Variants in PCNX1 observed in about 807,000 individuals in gnomAD.
The protein encoded by PCNX1 is pecanex 1.
Under a neutral mutation model 242.2 loss-of-function variants are expected in PCNX1, and 78 were observed. The ratio of observed to expected loss-of-function variants is 0.32; its 90% CI spans 0.27 to 0.39. The LOEUF is 0.39. Ranked by LOEUF, PCNX1 falls within the 10% of genes least tolerant of loss-of-function variation. The pLI is 1.00. For missense variants in PCNX1, 2,581 were observed against 2,856.5 expected (o/e 0.90, Z 2.20); for synonymous variants, 1,024 against 1,032.9 (o/e 0.99, Z 0.17).
At chr14:71,109,195 A>G in intron 34 of PCNX1, 149 bp downstream of exon 34, 2 of 863,732 alleles carry the variant, frequency 2.3e-6, no homozygotes, top group South Asian at 1.8e-5. Flanking sequence ...AATTTCTTCA[A>G]ACTTAAAAAC....
rs372776113 is a variant in PCNX1 at position 70,915,808 on chromosome 14, G to GA, written c.153+7807dup. Among the ~76,000 whole-genome samples the GA allele has an allele frequency of 3.5e-3, 540 of 152,242 alleles. 1 individual carries two copies. The highest frequency in any genetic ancestry group is 0.013 in the African/African-American group (524 of 41,540). ...CTGAGTGAATCTTTATATTGAGAGAGAATATAAATATGAGAATGAGAAATG... is the reference window on the plus strand; with the variant it reads ...CTGAGTGAATCTTTATATTGAGAGAGAAATATAAATATGAGAATGAGAAATG... On this transcript the variant is annotated intron_variant, in intron 1 of 35. Transcript: ENST00000304743.
At chr14:70,998,386 C>T (rs576297164) in intron 8 of PCNX1, among the ~76,000 whole-genome samples, 44 of 152,078 alleles carry the variant, frequency 2.9e-4, no homozygotes, top group Non-Finnish European at 5.4e-4. Flanking sequence ...CTTGTATCAT[C>T]TGTATTCAGC....
At chr14:71,052,456 AC>A (rs1422327387) in intron 24 of PCNX1, among the ~76,000 whole-genome samples, 1 of 151,734 alleles carries the variant, frequency 6.6e-6, no homozygotes, top group African/African-American at 2.4e-5. Context: ...CAAGTGACCC[AC>A]CCGCCTCAGC....
chr14:70,921,163 C>T (rs1275670231), intron 1 of PCNX1, among the ~76,000 whole-genome samples: 1 of 152,050 alleles, frequency 6.6e-6, no homozygotes, highest in East Asian at 1.9e-4. Context: ...TAAAAACAAA[C>T]AATTCAGAAA....
At chr14:71,061,358 A>G (rs1325340013) in intron 26 of PCNX1, among the ~76,000 whole-genome samples, 2 of 152,200 alleles carry the variant, frequency 1.3e-5, no homozygotes, top group East Asian at 1.9e-4. Flanking sequence ...CTGCCAGCAC[A>G]ATGGAGAAGT....
intron 8 of PCNX1, among the ~76,000 whole-genome samples, chr14:70,996,406 A>G (rs2059352589): frequency 6.6e-6 from 1 of 152,170 alleles, no homozygotes; most frequent in African/African-American, 2.4e-5. Context: ...TTTAATTCAA[A>G]ATACAGTACT....
intron 5 of PCNX1, among the ~76,000 whole-genome samples, chr14:70,971,695 A>G (rs2058547416): frequency 6.6e-6 from 1 of 152,180 alleles, no homozygotes. Flanking sequence ...TTAATTTTAA[A>G]TAGAGTAGTT....
chr14:71,108,749 G>A lies in PCNX1; in HGVS notation c.6447G>A (p.Arg2149=), dbSNP rs1166443976. 14 of 1,614,118 alleles carry A rather than the reference G, an allele frequency of 8.7e-6. No individual in the cohort carries two copies. Among genetic ancestry groups the A allele is most frequent in the East Asian group, 2.2e-5 (1 of 44,896 alleles). Residue 2149 remains arginine (R), a synonymous_variant, in exon 34 of 36, where the codon CGG becomes CGA. Coordinates refer to ENST00000304743, the MANE Select transcript of PCNX1 (RefSeq NM_014982.3). The part of the protein sequence containing the change: ...RMSTTGFVPC[R]RSSTSQISLR... ...CCACCACTGGGTTTGTGCCTTGTCGGCGCTCTTCTACTAGTCAGATATCGC... is the reference window on the plus strand; with the variant it reads ...CCACCACTGGGTTTGTGCCTTGTCGACGCTCTTCTACTAGTCAGATATCGC...
rs150205047 is a variant in PCNX1 at position 71,099,502 on chromosome 14, A to G, written c.5590-2488A>G. ...ATTGAAACTTGCTTTATGGCCAGGC[A>G]TGTGGTCGATCATAGGGTATGTTCT... On this transcript the variant is annotated intron_variant, in intron 30 of 35. Coordinates refer to ENST00000304743, the MANE Select transcript of PCNX1 (RefSeq NM_014982.3). Among the ~76,000 whole-genome samples the G allele has an allele frequency of 3.3e-3, 504 of 151,694 alleles. 4 individuals carry two copies. The highest frequency in any genetic ancestry group is 0.024 in the East Asian group (125 of 5,148).
chr14:70,980,605 T>C (rs2058809806), intron 6 of PCNX1, among the ~76,000 whole-genome samples: 1 of 152,144 alleles, frequency 6.6e-6, no homozygotes, highest in African/African-American at 2.4e-5. Flanking sequence ...CATAACTAAA[T>C]ATAGGGGTTT....
intron 16 of PCNX1, among the ~76,000 whole-genome samples, chr14:71,029,727 C>T (rs1047054952): frequency 6.6e-6 from 1 of 152,110 alleles, no homozygotes; most frequent in African/African-American, 2.4e-5. Flanking sequence ...GACCCATGGA[C>T]TTGTAAAGAA....
chr14:70,989,593 G>A (rs996937420), intron 7 of PCNX1, among the ~76,000 whole-genome samples: 1 of 143,728 alleles, frequency 7.0e-6, no homozygotes, highest in African/African-American at 2.6e-5. Context: ...GCAGTCGCGT[G>A]ATCTTGGCTC....
chr14:70,908,083 TC>T, intron 1 of PCNX1, 80 bp downstream of exon 1: 1 of 1,346,690 alleles, frequency 7.4e-7, no homozygotes, highest in South Asian at 1.5e-5. Context: ...CTCTTCCTCT[TC>T]CACGGGGTCT....
chr14:71,025,146 A>G (rs118100144), intron 13 of PCNX1, among the ~76,000 whole-genome samples: 2 of 152,306 alleles, frequency 1.3e-5, no homozygotes, highest in South Asian at 2.1e-4. Context: ...TATTAATACT[A>G]TAAGGAAGAG....
intron 26 of PCNX1, among the ~76,000 whole-genome samples, chr14:71,067,675 C>G (rs188496870): frequency 1.6e-4 from 25 of 152,206 alleles, no homozygotes; most frequent in Non-Finnish European, 7.4e-5. Context: ...TCCTGCTTCT[C>G]TAGTTCTTTT....
chr14:70,995,978 G>C, intron 8 of PCNX1, 53 bp downstream of exon 8: 1 of 1,316,240 alleles, frequency 7.6e-7, no homozygotes. Flanking sequence ...TGCAGCAGAT[G>C]ATGGGTAACA....
chr14:70,910,788 A>T (rs574735865), intron 1 of PCNX1, among the ~76,000 whole-genome samples: 16 of 152,344 alleles, frequency 1.1e-4, no homozygotes, highest in African/African-American at 3.8e-4. Context: ...TAGGACCTAG[A>T]TTAGTGTAAA....
intron 2 of PCNX1, among the ~76,000 whole-genome samples, chr14:70,949,282 T>TGCACACACGTGTATAC (rs1555345914): frequency 1.7e-4 from 8 of 48,268 alleles, no homozygotes; most frequent in East Asian, 9.3e-4. Flanking sequence ...CACACGTGTA[T>TGCACACACGTGTATAC]ACACACACGT....
chr14:70,933,200 A>G (rs943517329), intron 1 of PCNX1, among the ~76,000 whole-genome samples: 1 of 152,196 alleles, frequency 6.6e-6, no homozygotes, highest in Non-Finnish European at 1.5e-5. Context: ...TTACTGGCCT[A>G]TGTTTACTAG....
Sources: allele counts gnomAD v4.1 joint callset (sites outside exome capture counted in the v4.1 genomes callset), GRCh38; gene constraint gnomAD v4.1.1; transcripts MANE v1.5; gene names NCBI Gene and HGNC (gene_info 2026-07-23, HGNC 2026-07-21).